CHST9: variants seen among roughly 807,000 people sequenced by gnomAD.
CHST9 encodes the protein GalNAc-4-sulfotransferase 2.
Under a neutral mutation model 44.4 loss-of-function variants are expected in CHST9, and 41 were observed. The ratio of observed to expected loss-of-function variants is 0.92; its 90% confidence interval spans 0.72 to 1.20. The LOEUF (loss-of-function observed/expected upper bound fraction) is 1.20. Among genes scored for constraint, CHST9 ranks in the 50% most tolerant of loss-of-function variants. CHST9 has a pLI of 0.00. For missense variants in CHST9, 504 were observed against 516.5 expected (o/e 0.98, Z 0.23); for synonymous variants, 171 against 178.4 (o/e 0.96, Z 0.33).
intron 2 of CHST9, among the ~76,000 whole-genome samples, chr18:27,140,162 T>C (rs979026708): frequency 1.3e-5 from 2 of 152,168 alleles, no homozygotes. Context: ...AGTGATACAT[T>C]GAGCAGAGGC....
chr18:27,048,501 T>A lies in CHST9; in HGVS notation c.124A>T (p.Arg42Ter). 1 of 1,604,444 alleles carries A rather than the reference T, an allele frequency of 6.2e-7. No individual in the cohort carries two copies. Among genetic ancestry groups the A allele is most frequent in the Non-Finnish European group, 8.5e-7 (1 of 1,175,198 alleles). The change falls in exon 3 of 6, where the codon AGA becomes TGA. Residue 42 changes from arginine to a stop codon, truncating the protein, a stop_gained and splice_region_variant. Coordinates refer to ENST00000618847, the MANE Select transcript of CHST9 (RefSeq NM_031422.6). LOFTEE classifies it high-confidence loss of function. ...QVWIEEQHTG[R>*]VEKRREQKVT... ...TTTTGTTCTCTTCTCTTCTCCACTC[T>A]CCCTGAAATGAGAAGTGGAAGATAA...
chr18:27,054,824 G>GCA (rs1467969270), intron 2 of CHST9, among the ~76,000 whole-genome samples: 9 of 151,962 alleles, frequency 5.9e-5, no homozygotes, highest in African/African-American at 1.7e-4. Flanking sequence ...GTGTGTGCGT[G>GCA]CACATGCACA....
At chr18:27,062,353 T>C (rs984926256) in intron 2 of CHST9, among the ~76,000 whole-genome samples, 2 of 151,324 alleles carry the variant, frequency 1.3e-5, no homozygotes, top group Non-Finnish European at 3.0e-5. Context: ...GATGTTCCCC[T>C]TCCTTTGTCC....
At chr18:26,942,655 GT>G (rs1346061269) in intron 5 of CHST9, among the ~76,000 whole-genome samples, 2 of 152,178 alleles carry the variant, frequency 1.3e-5, no homozygotes, top group African/African-American at 2.4e-5. Context: ...AGGGAAACAG[GT>G]AGGTTGTTAC....
At chr18:27,181,185 T>A (rs2058908982) in intron 1 of CHST9, among the ~76,000 whole-genome samples, 1 of 152,216 alleles carries the variant, frequency 6.6e-6, no homozygotes, top group African/African-American at 2.4e-5. Flanking sequence ...CACAGAGGTT[T>A]TCTAAATTCT....
At chr18:26,933,139 A>G (rs1229068318) in intron 5 of CHST9, 1 of 153,818 alleles carries the variant, frequency 6.5e-6, no homozygotes, top group African/African-American at 2.4e-5. Flanking sequence ...TGTGAGATGC[A>G]TATCCCACAT....
In CHST9 at chr18:27,137,885, A is replaced by G. The variant is rs1329205261; in HGVS notation, c.121+4804T>C. Among the ~76,000 whole-genome samples, 6 of 152,228 alleles carry G rather than the reference A, an allele frequency of 3.9e-5. No individual in the cohort carries two copies. In the East Asian group the frequency reaches 5.8e-4, roughly 15 times the overall value. Reference sequence around the variant, plus strand: ...TATAAACTTAAACAGTAGCTGGGGGAAAAAATAAACAACAAGCCATTCTTG... The same window carrying G: ...TATAAACTTAAACAGTAGCTGGGGGGAAAAATAAACAACAAGCCATTCTTG... On this transcript the variant is annotated intron_variant, in intron 2 of 5. Transcript: ENST00000618847.
At chr18:27,135,208 G>A (rs761359664) in intron 2 of CHST9, among the ~76,000 whole-genome samples, 1 of 152,006 alleles carries the variant, frequency 6.6e-6, no homozygotes, top group Non-Finnish European at 1.5e-5. Flanking sequence ...CACAAAACAA[G>A]GGACAAAAAA....
At chr18:27,160,795 A>T (rs550192836) in intron 1 of CHST9, among the ~76,000 whole-genome samples, 1 of 152,058 alleles carries the variant, frequency 6.6e-6, no homozygotes, top group Admixed American at 6.5e-5. Context: ...AGAGCCTGTT[A>T]TTGGTCTATT....
At chr18:27,096,198 T>C (rs573994589) in intron 2 of CHST9, among the ~76,000 whole-genome samples, 13 of 152,022 alleles carry the variant, frequency 8.6e-5, no homozygotes, top group African/African-American at 3.1e-4. Flanking sequence ...GAGTAAACAA[T>C]GAAATCAAGG....
chr18:26,967,550 A>G (rs2056483159), intron 4 of CHST9, among the ~76,000 whole-genome samples: 2 of 152,324 alleles, frequency 1.3e-5, no homozygotes, highest in Admixed American at 6.5e-5. Context: ...GTATGTGTTT[A>G]GAAATTTCTT....
chr18:27,122,632 A>G (rs564630255), intron 2 of CHST9, among the ~76,000 whole-genome samples: 27 of 152,338 alleles, frequency 1.8e-4, no homozygotes, highest in Middle Eastern at 3.4e-3. Context: ...GTCATACAGA[A>G]CTAGCAAGAA....
intron 1 of CHST9, among the ~76,000 whole-genome samples, chr18:27,169,853 C>T (rs561777485): frequency 2.6e-5 from 4 of 152,136 alleles, no homozygotes; most frequent in East Asian, 1.9e-4. Flanking sequence ...GTGATCCTCC[C>T]GCCTCGGCCT....
In CHST9 at chr18:26,965,681, A is replaced by T. The variant is rs144407829; in HGVS notation, c.203-21315T>A. On this transcript the variant is annotated intron_variant, in intron 4 of 5. Coordinates refer to ENST00000618847, the MANE Select transcript of CHST9 (RefSeq NM_031422.6). ...ACTAAATGAATAATGTGTGCCATGT[A>T]TCTAGAAGAGCTTAACACATGTTCA... Among the ~76,000 whole-genome samples the T allele has an allele frequency of 2.8e-4, 43 of 152,352 alleles. 1 individual carries two copies. The highest frequency in any genetic ancestry group is 1.0e-3 in the African/African-American group (42 of 41,584).
At chr18:27,169,921 C>A (rs2143954285) in intron 1 of CHST9, among the ~76,000 whole-genome samples, 1 of 152,194 alleles carries the variant, frequency 6.6e-6, no homozygotes, top group African/African-American at 2.4e-5. Flanking sequence ...AATATATATT[C>A]TTTTAAGCAG....
In CHST9 at chr18:26,913,719, T is replaced by C. The variant is rs1266479791; in HGVS notation, c.*2540A>G. 6.6e-6 allele frequency: 1 copy of C among 152,162 alleles called. No individual in the cohort carries two copies. The highest frequency in any genetic ancestry group is 6.6e-5 in the Admixed American group (1 of 15,266). 9.4% of individuals were successfully genotyped at this position (152,162 alleles called of 1,614,324 possible). On this transcript the variant is annotated 3_prime_UTR_variant, in exon 6 of 6. Coordinates refer to ENST00000618847, the MANE Select transcript of CHST9 (RefSeq NM_031422.6). The stretch of plus-strand genomic sequence containing the variant: ...GCCTTTAGGAATTAAATTCATGAAA[T>C]TGTGATGGTCCTAAAGAACAGTGGT...
intron 1 of CHST9, among the ~76,000 whole-genome samples, chr18:27,168,899 G>A (rs763770092): frequency 3.4e-4 from 52 of 152,298 alleles, no homozygotes; most frequent in Non-Finnish European, 5.3e-4. Flanking sequence ...AGTTTAGCCC[G>A]TTCAAAGAGG....
rs150153196 is a variant in CHST9 at position 27,144,511 on chromosome 18, T to C, written c.-96-1606A>G. 2.7e-3 allele frequency among the ~76,000 whole-genome samples: 410 copies of C among 152,190 alleles called. 2 individuals carry two copies. Among genetic ancestry groups the C allele is most frequent in the African/African-American group, 9.6e-3 (397 of 41,524 alleles). On this transcript the variant is annotated intron_variant, in intron 1 of 5. Transcript: ENST00000618847. ...CTGAGCAGCATGGTGAAACCCTGTC[T>C]CTACAAAAAATAAAATAGATTTTAA...
intron 4 of CHST9, among the ~76,000 whole-genome samples, chr18:26,985,169 G>T (rs529705856): frequency 6.6e-6 from 1 of 152,270 alleles, no homozygotes; most frequent in African/African-American, 2.4e-5. Flanking sequence ...CAACAAGAAT[G>T]AATGAACTAC....
Sources: allele counts gnomAD v4.1 joint callset (sites outside exome capture counted in the v4.1 genomes callset), GRCh38; gene constraint gnomAD v4.1.1; transcripts MANE v1.5; gene names NCBI Gene and HGNC (gene_info 2026-07-23, HGNC 2026-07-21).